AKT3: variants seen among roughly 807,000 people sequenced by gnomAD.
AKT3 encodes the protein AKT serine/threonine kinase 3, also known as RAC-gamma serine/threonine-protein kinase.
Under a neutral mutation model 65.3 loss-of-function variants are expected in AKT3, and 15 were observed. The observed-to-expected ratio is 0.23, with a 90% CI of 0.15 to 0.35. The LOEUF is 0.35. Among genes scored for constraint, AKT3 ranks in the 10% least tolerant of loss-of-function variants. The probability of loss-of-function intolerance (pLI) is 1.00; values close to 1 mark genes in which losing one functional copy is unlikely to be tolerated. For synonymous variants in AKT3, 206 were observed against 183.8 expected (o/e 1.12, Z -0.98); for missense variants, 243 against 576.5 (o/e 0.42, Z 5.92).
At chr1:243,611,912 A>C (rs762299555) in intron 8 of AKT3, among the ~76,000 whole-genome samples, 18 of 152,172 alleles carry the variant, frequency 1.2e-4, no homozygotes, top group Non-Finnish European at 2.5e-4. Context: ...TAAGTGCTAG[A>C]TCATCCATAA....
At chr1:243,663,335 T>G (rs922380144) in intron 4 of AKT3, among the ~76,000 whole-genome samples, 2 of 152,162 alleles carry the variant, frequency 1.3e-5, no homozygotes, top group African/African-American at 2.4e-5. Context: ...TACATAGGAA[T>G]TAGCCCAACT....
At chr1:243,708,588 A>G (rs1489094910) in intron 2 of AKT3, among the ~76,000 whole-genome samples, 2 of 152,000 alleles carry the variant, frequency 1.3e-5, no homozygotes, top group African/African-American at 4.8e-5. Context: ...CTTTGAAAGG[A>G]AAGATTTTCT....
At chr1:243,580,894 T>C (rs555661749) in intron 8 of AKT3, among the ~76,000 whole-genome samples, 15 of 152,270 alleles carry the variant, frequency 9.9e-5, no homozygotes, top group African/African-American at 3.6e-4. Context: ...AGCAGAGCTC[T>C]CTCTGCTCCA....
intron 2 of AKT3, among the ~76,000 whole-genome samples, chr1:243,757,478 C>G (rs548682263): frequency 6.6e-6 from 1 of 151,946 alleles, no homozygotes; most frequent in East Asian, 1.9e-4. Flanking sequence ...ATTAGCTGGG[C>G]GTGGTATCAG....
At chr1:243,666,031 T>G (rs1341193169) in intron 3 of AKT3, among the ~76,000 whole-genome samples, 1 of 152,160 alleles carries the variant, frequency 6.6e-6, no homozygotes. Context: ...TTTGAGACAG[T>G]CTCGCTCTGT....
chr1:243,630,771 T>C (rs1187350419), intron 6 of AKT3, among the ~76,000 whole-genome samples: 2 of 152,174 alleles, frequency 1.3e-5, no homozygotes, highest in Admixed American at 6.5e-5. Flanking sequence ...TCTGTAACTA[T>C]ACTTAAGTCT....
At chr1:243,730,929 C>A (rs1404920082) in intron 2 of AKT3, among the ~76,000 whole-genome samples, 1 of 152,206 alleles carries the variant, frequency 6.6e-6, no homozygotes, top group Non-Finnish European at 1.5e-5. Flanking sequence ...GCTGGCCGGA[C>A]CCTGTGTTAG....
At chr1:243,513,103 C>A (rs932818214) in intron 12 of AKT3, among the ~76,000 whole-genome samples, 1 of 152,190 alleles carries the variant, frequency 6.6e-6, no homozygotes, top group African/African-American at 2.4e-5. Context: ...CTCATTCGCA[C>A]TGCACCTGCG....
intron 4 of AKT3, among the ~76,000 whole-genome samples, chr1:243,658,611 T>C (rs1558691282): frequency 6.6e-6 from 1 of 152,174 alleles, no homozygotes; most frequent in Non-Finnish European, 1.5e-5. Context: ...AGCAATCACA[T>C]TTCTGGATAT....
intron 2 of AKT3, among the ~76,000 whole-genome samples, chr1:243,729,420 CA>C (rs1383150790): frequency 6.6e-6 from 1 of 152,158 alleles, no homozygotes; most frequent in African/African-American, 2.4e-5. Context: ...AGAGCATATG[CA>C]CTGAGTTTAA....
chr1:243,613,145 A>G (rs1187262530), intron 8 of AKT3: 1 of 141,726 alleles, frequency 7.1e-6, no homozygotes, highest in Non-Finnish European at 1.5e-5. Context: ...ATACATACAT[A>G]TATATACACA....
intron 8 of AKT3, among the ~76,000 whole-genome samples, chr1:243,575,929 T>C (rs777242513): frequency 2.8e-4 from 43 of 152,066 alleles, no homozygotes; most frequent in Non-Finnish European, 4.9e-4. Flanking sequence ...AAAAATAATA[T>C]ATAATCAGAG....
chr1:243,553,303 C>T (rs1387624273), intron 10 of AKT3, among the ~76,000 whole-genome samples: 1 of 152,172 alleles, frequency 6.6e-6, no homozygotes, highest in Non-Finnish European at 1.5e-5. Flanking sequence ...CCCATGTGGA[C>T]TTCAAGTAAC....
intron 4 of AKT3, among the ~76,000 whole-genome samples, chr1:243,663,835 G>C (rs1682570139): frequency 6.6e-6 from 1 of 152,104 alleles, no homozygotes; most frequent in Non-Finnish European, 1.5e-5. Flanking sequence ...GTGGTCACTG[G>C]ACCTAACTCA....
At chr1:243,849,715 A>G (rs1215201764) in intron 1 of AKT3, among the ~76,000 whole-genome samples, 10 of 151,064 alleles carry the variant, frequency 6.6e-5, no homozygotes, top group Non-Finnish European at 1.3e-4. Context: ...GGGGCAGCCC[A>G]GACACAGACG....
In AKT3 at chr1:243,849,080, G is replaced by A. The variant is rs373454709; in HGVS notation, c.-113+960C>T. Among the ~76,000 whole-genome samples the A allele has an allele frequency of 3.0e-3, 452 of 152,306 alleles. 5 individuals carry two copies. Among genetic ancestry groups the A allele is most frequent in the African/African-American group, 0.01 (422 of 41,562 alleles). On this transcript the variant is annotated intron_variant, in intron 1 of 13. Transcript: ENST00000673466. ...TCCCGGGAAATCCCAAACAAGGGATGGTGACCCCGCCTCGGCGTCAGGGTC... is the reference window on the plus strand; with the variant it reads ...TCCCGGGAAATCCCAAACAAGGGATAGTGACCCCGCCTCGGCGTCAGGGTC...
chr1:243,544,709 T>TG (rs924898899), intron 12 of AKT3, among the ~76,000 whole-genome samples: 5 of 149,008 alleles, frequency 3.4e-5, no homozygotes, highest in Admixed American at 2.7e-4. Context: ...TTTTTTGTTT[T>TG]TTTTTTTTTT....
chr1:243,596,873 ATGAC>A (rs1194852032), intron 8 of AKT3, among the ~76,000 whole-genome samples: 1 of 152,242 alleles, frequency 6.6e-6, no homozygotes, highest in Admixed American at 6.5e-5. Context: ...AAAGAAATAA[ATGAC>A]TGAGAAATGC....
chr1:243,547,279 T>C (rs1418511070), intron 11 of AKT3, among the ~76,000 whole-genome samples: 1 of 152,170 alleles, frequency 6.6e-6, no homozygotes, highest in African/African-American at 2.4e-5. Flanking sequence ...ATCTCAAAAA[T>C]ACAGATAACA....
Sources: gnomAD v4.1 joint callset for allele counts (sites outside exome capture counted in the v4.1 genomes callset) on GRCh38, gnomAD v4.1.1 for gene constraint, MANE v1.5 for transcripts, NCBI Gene and HGNC (gene_info 2026-07-23, HGNC 2026-07-21) for gene names.